CHRNA7: variants seen among roughly 807,000 people sequenced by gnomAD.
CHRNA7 encodes the protein neuronal acetylcholine receptor subunit alpha-7.
CHRNA7 carries 17 observed loss-of-function variants against 48.0 expected under a neutral mutation model. That is an observed-to-expected ratio of 0.35 (90% confidence interval 0.24 to 0.53). The LOEUF (loss-of-function observed/expected upper bound fraction) is 0.53. Ranked by LOEUF, CHRNA7 falls within the 20% of genes least tolerant of loss-of-function variation. The pLI, the probability that CHRNA7 is intolerant of heterozygous loss-of-function variation, is 0.92. For missense variants in CHRNA7, 155 were observed against 577.7 expected, an observed-to-expected ratio of 0.27 and a Z score of 7.50; for synonymous variants, 75 against 242.3, an observed-to-expected ratio of 0.31 and a Z score of 6.41.
At chr15:32,052,775 ATAGT>A (rs2049714561) in intron 2 of CHRNA7, among the ~76,000 whole-genome samples, 1 of 152,160 alleles carries the variant, frequency 6.6e-6, no homozygotes, top group Non-Finnish European at 1.5e-5. Context: ...GATGAAAGAT[ATAGT>A]TAGATAGAAG....
At chr15:32,136,754 C>G (rs1045349881) in intron 4 of CHRNA7, among the ~76,000 whole-genome samples, 69 of 151,780 alleles carry the variant, frequency 4.5e-4, no homozygotes, top group African/African-American at 1.6e-3. Flanking sequence ...AGGAGAAGGC[C>G]GGCGCGGTGG....
intron 2 of CHRNA7, among the ~76,000 whole-genome samples, chr15:32,041,491 G>T (rs1388784668): frequency 3.9e-5 from 6 of 152,244 alleles, no homozygotes; most frequent in African/African-American, 1.4e-4. Flanking sequence ...CGGAGGCGGA[G>T]CTCAGGCAGT....
chr15:32,103,398 AGACTC>A, intron 3 of CHRNA7: 1 of 136,456 alleles, frequency 7.3e-6, no homozygotes. Context: ...GAACAGAGCA[AGACTC>A]AATCTCAAGA....
intron 2 of CHRNA7, among the ~76,000 whole-genome samples, chr15:32,047,857 T>C (rs1210403943): frequency 6.6e-6 from 1 of 152,194 alleles, no homozygotes; most frequent in Non-Finnish European, 1.5e-5. Flanking sequence ...CAATACCTAA[T>C]TTATTGAGAG....
At chr15:32,148,616 C>T (rs906855710) in intron 4 of CHRNA7, among the ~76,000 whole-genome samples, 2 of 152,182 alleles carry the variant, frequency 1.3e-5, no homozygotes, top group African/African-American at 2.4e-5. Context: ...CCACCTGTGC[C>T]CCATGGGCTC....
At chr15:32,088,728 T>A (rs2050337703) in intron 2 of CHRNA7, among the ~76,000 whole-genome samples, 1 of 152,232 alleles carries the variant, frequency 6.6e-6, no homozygotes, top group Admixed American at 6.5e-5. Context: ...ACATCTTCTT[T>A]GGTGAGTTGC....
chr15:32,068,807 T>C (rs921561124), intron 2 of CHRNA7, among the ~76,000 whole-genome samples: 2 of 151,472 alleles, frequency 1.3e-5, no homozygotes, highest in African/African-American at 4.9e-5. Context: ...CAGGAATATA[T>C]CACAATTATA....
At chr15:32,094,050 G>A (rs1165400604) in intron 2 of CHRNA7, among the ~76,000 whole-genome samples, 9 of 152,154 alleles carry the variant, frequency 5.9e-5, no homozygotes, top group Admixed American at 5.9e-4. Context: ...GTGTTTTAAA[G>A]CATAATGCAT....
chr15:32,133,986 G>A (rs1010517271), intron 4 of CHRNA7, among the ~76,000 whole-genome samples: 1 of 152,184 alleles, frequency 6.6e-6, no homozygotes, highest in Non-Finnish European at 1.5e-5. Context: ...TGAGACATGG[G>A]TTTTCTGCAG....
intron 4 of CHRNA7, among the ~76,000 whole-genome samples, chr15:32,148,515 G>T (rs2141352375): frequency 6.6e-6 from 1 of 152,320 alleles, no homozygotes; most frequent in African/African-American, 2.4e-5. Flanking sequence ...AGGGCCAGCA[G>T]CTCTGCAGGA....
At position 32,030,807 on chromosome 15, in the gene CHRNA7, G is replaced by A; in HGVS notation, c.56-91G>A. ...GGGGGCTGCTTGTCTGGGCTGCACC[G>A]GGTGGGCGGCGGGGGACGCCGGCAG... On this transcript the variant is annotated intron_variant, in intron 1 of 9. Transcript: ENST00000306901. 2.6e-6 allele frequency: 4 copies of A among 1,529,100 alleles called. No individual in the cohort carries two copies. In the South Asian group the frequency reaches 5.0e-5, roughly 19 times the overall value. 94.7% of individuals were successfully genotyped at this position (1,529,100 alleles called of 1,614,324 possible). A position where few individuals can be genotyped will look rare whatever the true frequency, so the allele number is the denominator to read the frequency against.
At chr15:32,050,667 A>G (rs2049653150) in intron 2 of CHRNA7, among the ~76,000 whole-genome samples, 1 of 152,152 alleles carries the variant, frequency 6.6e-6, no homozygotes, top group Non-Finnish European at 1.5e-5. Context: ...TTCTCCATCC[A>G]GCTTTGTTCC....
intron 2 of CHRNA7, among the ~76,000 whole-genome samples, chr15:32,053,908 A>C (rs1004436353): frequency 2.6e-5 from 4 of 152,172 alleles, no homozygotes; most frequent in Admixed American, 2.0e-4. Context: ...GCAGTGGACG[A>C]GGAGTAGGAA....
chr15:32,049,592 C>T (rs2049626169), intron 2 of CHRNA7, among the ~76,000 whole-genome samples: 1 of 152,114 alleles, frequency 6.6e-6, no homozygotes, highest in South Asian at 2.1e-4. Flanking sequence ...GGTCTTGACT[C>T]TTTATCCAAT....
chr15:32,058,440 A>G (rs571979629), intron 2 of CHRNA7, among the ~76,000 whole-genome samples: 7 of 152,350 alleles, frequency 4.6e-5, no homozygotes. Context: ...GTTTTGCAAC[A>G]GCGGGAAGCA....
At chr15:32,058,669 C>G (rs2049826990) in intron 2 of CHRNA7, among the ~76,000 whole-genome samples, 1 of 152,176 alleles carries the variant, frequency 6.6e-6, no homozygotes, top group African/African-American at 2.4e-5. Context: ...AGAAATGCCA[C>G]TCTTTTGGAG....
chr15:32,166,479 T>C (rs2052154145), intron 9 of CHRNA7: 1 of 152,342 alleles, frequency 6.6e-6, no homozygotes, highest in Non-Finnish European at 1.5e-5. Flanking sequence ...GTCTTGTGCT[T>C]CCCTGTTCTT....
At chr15:32,119,348 A>T (rs1276019798) in intron 4 of CHRNA7, among the ~76,000 whole-genome samples, 1 of 152,240 alleles carries the variant, frequency 6.6e-6, no homozygotes, top group Non-Finnish European at 1.5e-5. Flanking sequence ...TTGACACACG[A>T]TCACTTTATA....
At chr15:32,095,704 A>C (rs1378576161) in intron 2 of CHRNA7, among the ~76,000 whole-genome samples, 1 of 152,226 alleles carries the variant, frequency 6.6e-6, no homozygotes, top group African/African-American at 2.4e-5. Context: ...TCTAACCATT[A>C]TGAAAAAAAG....
Sources: allele counts gnomAD v4.1 joint callset (sites outside exome capture counted in the v4.1 genomes callset), GRCh38; gene constraint gnomAD v4.1.1; transcripts MANE v1.5; gene names NCBI Gene and HGNC (gene_info 2026-07-23, HGNC 2026-07-21).